The following CHRNA7 variants were observed in gnomAD, a reference collection of about 807,000 sequenced individuals.
CHRNA7 encodes neuronal acetylcholine receptor subunit alpha-7.
CHRNA7 carries 17 observed loss-of-function variants against 48.0 expected under a neutral mutation model. The ratio of observed to expected loss-of-function variants is 0.35; its 90% CI spans 0.24 to 0.53. The LOEUF (loss-of-function observed/expected upper bound fraction) is 0.53, where lower values mean the gene tolerates loss of function less well. CHRNA7 is among the 20% of genes least tolerant of loss of function. The pLI is 0.92. For missense variants in CHRNA7, 155 were observed against 577.7 expected (o/e 0.27, Z 7.50); for synonymous variants, 75 against 242.3 (o/e 0.31, Z 6.41).
chr15:32,138,639 A>G (rs1036565097), intron 4 of CHRNA7, among the ~76,000 whole-genome samples: 1 of 152,168 alleles, frequency 6.6e-6, no homozygotes, highest in African/African-American at 2.4e-5. Context: ...TTATAGTATC[A>G]TTCAGAATAG....
chr15:32,113,312 T>G (rs1358201650), intron 4 of CHRNA7, among the ~76,000 whole-genome samples: 1 of 152,080 alleles, frequency 6.6e-6, no homozygotes, highest in Non-Finnish European at 1.5e-5. Context: ...CAAATTAGAG[T>G]AGGGCCCCAT....
intron 3 of CHRNA7, among the ~76,000 whole-genome samples, chr15:32,106,682 A>G (rs576954267): frequency 2.0e-4 from 30 of 152,298 alleles, no homozygotes; most frequent in African/African-American, 7.2e-4. Context: ...AGACATTTGA[A>G]CCATCCAGAG....
At chr15:32,078,690 A>G (rs187545998) in intron 2 of CHRNA7, among the ~76,000 whole-genome samples, 1 of 150,146 alleles carries the variant, frequency 6.7e-6, no homozygotes, top group Non-Finnish European at 1.5e-5. Context: ...GCCCAGGACC[A>G]GATGGATTTA....
chr15:32,151,085 A>G (rs936373794), intron 4 of CHRNA7, among the ~76,000 whole-genome samples: 1 of 150,474 alleles, frequency 6.6e-6, no homozygotes, highest in Non-Finnish European at 1.5e-5. Context: ...CTTGTTTCAT[A>G]TTCAAATCAC....
At chr15:32,138,125 A>G (rs931140783) in intron 4 of CHRNA7, among the ~76,000 whole-genome samples, 2 of 152,234 alleles carry the variant, frequency 1.3e-5, no homozygotes, top group African/African-American at 4.8e-5. Context: ...AATAGAGATC[A>G]ACGAAGGACA....
chr15:32,113,104 CA>C (rs1325643814), intron 4 of CHRNA7, among the ~76,000 whole-genome samples: 1 of 152,150 alleles, frequency 6.6e-6, no homozygotes, highest in Non-Finnish European at 1.5e-5. Context: ...CAAAGTGCTA[CA>C]GACTCAGAGC....
At chr15:32,061,733 G>A (rs1394748511) in intron 2 of CHRNA7, among the ~76,000 whole-genome samples, 3 of 152,110 alleles carry the variant, frequency 2.0e-5, no homozygotes, top group African/African-American at 2.4e-5. Context: ...GCTTGAACCC[G>A]GGAGGCGGAG....
At chr15:32,115,101 A>T (rs2050846529) in intron 4 of CHRNA7, among the ~76,000 whole-genome samples, 1 of 152,220 alleles carries the variant, frequency 6.6e-6, no homozygotes, top group Non-Finnish European at 1.5e-5. Flanking sequence ...GTCCCGCAAC[A>T]GCCCTTCTCC....
chr15:32,122,081 C>T (rs762675838), intron 4 of CHRNA7, among the ~76,000 whole-genome samples: 1 of 152,206 alleles, frequency 6.6e-6, no homozygotes, highest in Non-Finnish European at 1.5e-5. Flanking sequence ...CCCCACTGTC[C>T]AGTGAGCTCC....
intron 2 of CHRNA7, among the ~76,000 whole-genome samples, chr15:32,096,986 G>A (rs1356275897): frequency 1.3e-5 from 2 of 152,138 alleles, no homozygotes; most frequent in Non-Finnish European, 2.9e-5. Flanking sequence ...AGAGGGGAGT[G>A]TAGATCTTGC....
At chr15:32,071,583 G>A (rs1040873331) in intron 2 of CHRNA7, among the ~76,000 whole-genome samples, 2 of 152,116 alleles carry the variant, frequency 1.3e-5, no homozygotes, top group African/African-American at 4.8e-5. Context: ...GTGTTTGGAT[G>A]ATTGGAGCAG....
chr15:32,071,565 G>A (rs571862264), intron 2 of CHRNA7, among the ~76,000 whole-genome samples: 1 of 152,222 alleles, frequency 6.6e-6, no homozygotes, highest in South Asian at 2.1e-4. Context: ...GGTGGGGCCT[G>A]GTGGGAGGTG....
chr15:32,112,008 G>T, intron 4 of CHRNA7, 109 bp downstream of exon 4: 1 of 773,286 alleles, frequency 1.3e-6, no homozygotes, highest in Non-Finnish European at 2.3e-6. Flanking sequence ...CTATGATCTG[G>T]GGCCACTGCT....
In CHRNA7 at chr15:32,030,620, G is replaced by C. The variant is rs1276301012; in HGVS notation, c.26G>C (p.Trp9Ser). MRCSPGGV[W>S]LALAASLLHV... ...ATGCGCTGCTCGCCGGGAGGCGTCTGGCTGGCGCTGGCCGCGTCGCTCCTG... is the reference window on the plus strand; with the variant it reads ...ATGCGCTGCTCGCCGGGAGGCGTCTCGCTGGCGCTGGCCGCGTCGCTCCTG... Residue 9 changes from tryptophan to serine, a missense_variant, in exon 1 of 10, where the codon TGG becomes TCG. Coordinates refer to ENST00000306901, the MANE Select transcript of CHRNA7 (RefSeq NM_000746.6). 6.4e-7 allele frequency: 1 copy of C among 1,567,442 alleles called. No individual in the cohort carries two copies. The highest frequency in any genetic ancestry group is 1.4e-5 in the African/African-American group (1 of 71,370).
intron 4 of CHRNA7, among the ~76,000 whole-genome samples, chr15:32,142,828 G>GC (rs2051409509): frequency 6.6e-6 from 1 of 151,910 alleles, no homozygotes; most frequent in Admixed American, 6.6e-5. Flanking sequence ...TATTAGTCTT[G>GC]CTAGCGGTCT....
At chr15:32,051,115 G>A (rs564775801) in intron 2 of CHRNA7, among the ~76,000 whole-genome samples, 75 of 151,472 alleles carry the variant, frequency 5.0e-4, no homozygotes, top group Non-Finnish European at 8.1e-4. Context: ...CCCACTTGAG[G>A]AGGCAGTCTG....
chr15:32,120,759 A>G (rs924911624), intron 4 of CHRNA7, among the ~76,000 whole-genome samples: 4 of 151,960 alleles, frequency 2.6e-5, no homozygotes, highest in Non-Finnish European at 5.9e-5. Flanking sequence ...CTGCACCCCC[A>G]AGGGCCCTGA....
At chr15:32,132,092 G>A (rs939810246) in intron 4 of CHRNA7, among the ~76,000 whole-genome samples, 1 of 152,186 alleles carries the variant, frequency 6.6e-6, no homozygotes, top group African/African-American at 2.4e-5. Context: ...TGAATCTAGA[G>A]TGCTCCCTGG....
chr15:32,107,492 C>A (rs2050690394), intron 3 of CHRNA7, among the ~76,000 whole-genome samples: 1 of 150,550 alleles, frequency 6.6e-6, no homozygotes, highest in African/African-American at 2.4e-5. Context: ...TATTTAATAT[C>A]TACTTATATA....
Sources: allele counts gnomAD v4.1 joint callset (sites outside exome capture counted in the v4.1 genomes callset), GRCh38; gene constraint gnomAD v4.1.1; transcripts MANE v1.5; gene names NCBI Gene and HGNC (gene_info 2026-07-23, HGNC 2026-07-21).